MRPL27: variants seen among roughly 807,000 people sequenced by gnomAD.
MRPL27 encodes mitochondrial ribosomal protein L27.
Under a neutral mutation model 14.6 loss-of-function variants are expected in MRPL27, and 4 were observed. That is an observed-to-expected ratio of 0.27 (90% confidence interval 0.14 to 0.63). The LOEUF is 0.63. Among genes scored for constraint, MRPL27 ranks in the 20% least tolerant of loss-of-function variants. The probability of loss-of-function intolerance (pLI) is 0.85; values close to 1 mark genes in which losing one functional copy is unlikely to be tolerated. For missense variants in MRPL27, 196 were observed against 192.8 expected, an observed-to-expected ratio of 1.02 and a Z score of -0.10; for synonymous variants, 82 against 75.5, an observed-to-expected ratio of 1.09 and a Z score of -0.45.
rs894834477 is a variant in MRPL27, at chr17:50,368,545, G to C, written c.241-247C>G. The C allele has an allele frequency of 5.0e-5, 30 of 596,140 alleles. No homozygotes were observed. The South Asian group carries it at 5.5e-4, about 11-fold the overall frequency. 36.9% of individuals were successfully genotyped at this position (596,140 alleles called of 1,614,324 possible). On this transcript the variant is annotated intron_variant, in intron 3 of 3. Transcript: ENST00000225969. The stretch of plus-strand genomic sequence containing the variant: ...GGGCCACTGCTCAGTCCCAGGGACT[G>C]TTACCTGGAGCCATGTCTATGCAGC...
chr17:50,369,134 A>G, intron 3 of MRPL27: 1 of 460,836 alleles, frequency 2.2e-6, no homozygotes, highest in Non-Finnish European at 3.8e-6. Context: ...CGTCTGTCAA[A>G]TGGGGATAAT....
In MRPL27 at chr17:50,372,548, C is replaced by A. The variant is rs143544686; in HGVS notation, c.40+583G>T. ...GCGTGAGCCATCACGCCCCGCCTGT[C>A]ATTCTTTAGGTTTTAAATGTTATCT... On this transcript the variant is annotated intron_variant, in intron 1 of 3. Coordinates refer to ENST00000225969, the MANE Select transcript of MRPL27 (RefSeq NM_016504.3). Among the ~76,000 whole-genome samples, 1,273 of 152,322 alleles carry A rather than the reference C, an allele frequency of 8.4e-3. 12 individuals carry two copies. Among genetic ancestry groups the A allele is most frequent in the Non-Finnish European group, 0.013 (883 of 68,030 alleles).
At chr17:50,372,164 T>G (rs985081867) in intron 1 of MRPL27, among the ~76,000 whole-genome samples, 1 of 151,674 alleles carries the variant, frequency 6.6e-6, no homozygotes. Flanking sequence ...ATAAGAGCAA[T>G]AGTTTGCTTC....
At chr17:50,368,907 T>G (rs1375798656) in intron 3 of MRPL27, 12 of 700,630 alleles carry the variant, frequency 1.7e-5, no homozygotes, top group Non-Finnish European at 5.2e-6. Flanking sequence ...GATTAAACTG[T>G]GTTGTATATA....
chr17:50,373,149 G>A lies in MRPL27; in HGVS notation c.22C>T (p.Leu8=), dbSNP rs757023737. 7 of 1,613,686 alleles carry A rather than the reference G, an allele frequency of 4.3e-6. No homozygotes were observed. Among genetic ancestry groups the A allele is most frequent in the Non-Finnish European group, 5.9e-6 (7 of 1,179,824 alleles). The change falls in exon 1 of 4, where the codon CTG becomes TTG. Residue 8 remains leucine, a synonymous_variant. Coordinates refer to ENST00000225969, the MANE Select transcript of MRPL27 (RefSeq NM_016504.3). ...CCATTACCGGCTGTCCGGGTCCTCA[G>A]CGCCAACACCACCGACGCCATGCTT... MASVVLA[L]RTRTAVTSLL...
chr17:50,368,204 T>C lies in MRPL27; in HGVS notation c.335A>G (p.Glu112Gly), dbSNP rs748190282. ...EVYVPHPRNTEAVDLITRLPK... is the reference protein window; with the variant it reads ...EVYVPHPRNTGAVDLITRLPK... ...CAGCCTGGTGATCAGATCCACAGCC[T>C]CCGTGTTTCTGGGATGAGGCACGTA... Residue 112 changes from glutamate (E) to glycine (G), a missense_variant, in exon 4 of 4, where the codon GAG (glutamate) becomes GGG (glycine). Glu to Gly is a moderately conservative substitution (Grantham distance 98). Coordinates refer to ENST00000225969, the MANE Select transcript of MRPL27 (RefSeq NM_016504.3). 9 of 1,614,192 alleles carry C rather than the reference T, an allele frequency of 5.6e-6. 1 individual carries two copies. In the South Asian group the frequency reaches 9.9e-5, roughly 18 times the overall value.
At position 50,368,239 on chromosome 17, in the gene MRPL27, A is replaced by G. The variant is rs905392218; in HGVS notation, c.300T>C (p.Thr100=). Residue 100 remains threonine, a synonymous_variant, in exon 4 of 4, where the codon ACT becomes ACC. Coordinates refer to ENST00000225969, the MANE Select transcript of MRPL27 (RefSeq NM_016504.3). Reference sequence around the variant, plus strand: ...TGGGATGAGGCACGTAGACCTCCTTAGTGTAGCGGACTATCCCCTCTTCCA... The same window carrying G: ...TGGGATGAGGCACGTAGACCTCCTTGGTGTAGCGGACTATCCCCTCTTCCA... ...YALEEGIVRY[T]KEVYVPHPRN... is the part of the protein sequence containing the mutation. The G allele has an allele frequency of 3.1e-6, 5 of 1,614,204 alleles. 1 individual carries two copies. The highest frequency in any genetic ancestry group is 1.1e-5 in the South Asian group (1 of 91,086).
At position 50,370,022 on chromosome 17, in the gene MRPL27, A is replaced by G; in HGVS notation, c.240+10T>C. Reference sequence around the variant, plus strand: ...AAAGGAAAAAGGGGGGCAGCAACGGAGCAACTCACATGGGCACCTGGGTGC... The same window carrying G: ...AAAGGAAAAAGGGGGGCAGCAACGGGGCAACTCACATGGGCACCTGGGTGC... On this transcript the variant is annotated intron_variant, in intron 3 of 3. Transcript: ENST00000225969. 1 of 1,613,918 alleles carries G rather than the reference A, an allele frequency of 6.2e-7. No individual in the cohort carries two copies. Among genetic ancestry groups the G allele is most frequent in the Non-Finnish European group, 8.5e-7 (1 of 1,179,912 alleles).
intron 1 of MRPL27, 59 bp from the exon 2 acceptor site, chr17:50,370,645 T>C (rs1418754230): frequency 3.7e-6 from 6 of 1,606,198 alleles, no homozygotes; most frequent in Non-Finnish European, 5.1e-6. Flanking sequence ...TCTGCCTCAA[T>C]GGGCCACATG....
Position 50,367,916 on chromosome 17 carries a change from C to T in MRPL27, c.*176G>A, listed in dbSNP as rs1360389259. The T allele has an allele frequency of 5.9e-6, 4 of 678,874 alleles. No individual in the cohort carries two copies. Among genetic ancestry groups the T allele is most frequent in the Non-Finnish European group, 9.9e-6 (4 of 405,772 alleles). The allele number at this position is 678,874 out of a possible 1,614,324, so 42.1% of individuals were successfully genotyped here. A position where few individuals can be genotyped will look rare whatever the true frequency, so the allele number is the denominator to read the frequency against. Reference sequence around the variant, plus strand: ...GACGCTGGCTCACTTTATTTTTGGCCCCAGGTCAGGTCTCCCAAAGGGTTT... The same window carrying T: ...GACGCTGGCTCACTTTATTTTTGGCTCCAGGTCAGGTCTCCCAAAGGGTTT... On this transcript the variant is annotated 3_prime_UTR_variant, in exon 4 of 4. Transcript: ENST00000225969.
At chr17:50,370,718 A>T in intron 1 of MRPL27, 132 bp from the exon 2 acceptor site, 26 of 1,087,256 alleles carry the variant, frequency 2.4e-5, no homozygotes, top group Admixed American at 6.4e-5. Context: ...AGTGCCACTG[A>T]GTGTATTAGT....
chr17:50,369,909 G>T, intron 3 of MRPL27, 123 bp downstream of exon 3: 1 of 1,071,968 alleles, frequency 9.3e-7, no homozygotes, highest in Non-Finnish European at 1.4e-6. Context: ...GTAGGCATGG[G>T]AATCAGCACA....
chr17:50,368,555 G>A (rs1182577694), intron 3 of MRPL27: 8 of 595,310 alleles, frequency 1.3e-5, no homozygotes, highest in Non-Finnish European at 2.1e-5. Context: ...GTTACCTGGA[G>A]CCATGTCTAT....
intron 1 of MRPL27, chr17:50,372,824 C>T: frequency 2.3e-6 from 1 of 428,410 alleles, no homozygotes. Flanking sequence ...ATTTTTTCAA[C>T]CCCAATATGC....
At chr17:50,369,738 C>G (rs1327713658) in intron 3 of MRPL27, 1 of 446,730 alleles carries the variant, frequency 2.2e-6, no homozygotes, top group Admixed American at 4.7e-5. Flanking sequence ...AAAGGAGAAC[C>G]AAGAATACCA....
chr17:50,368,836 A>G (rs1243120925), intron 3 of MRPL27: 3 of 702,144 alleles, frequency 4.3e-6, no homozygotes, highest in Admixed American at 2.0e-5. Context: ...TTTAATTCTC[A>G]CCTAGTGAAA....
chr17:50,370,348 T>A, intron 2 of MRPL27, 107 bp downstream of exon 2: 1 of 1,549,850 alleles, frequency 6.5e-7, no homozygotes, highest in East Asian at 2.3e-5. Context: ...GAGCCAATTA[T>A]GATGGTAAGG....
intron 3 of MRPL27, chr17:50,369,695 C>T: frequency 3.2e-6 from 1 of 316,526 alleles, no homozygotes; most frequent in Non-Finnish European, 5.7e-6. Flanking sequence ...TTTAAATCAC[C>T]AGGTATCTTG....
At chr17:50,371,395 C>T (rs1239075145) in intron 1 of MRPL27, among the ~76,000 whole-genome samples, 1 of 152,190 alleles carries the variant, frequency 6.6e-6, no homozygotes, top group African/African-American at 2.4e-5. Context: ...TCTCAAAGCA[C>T]ATCAAGCAGA....
Sources: allele counts gnomAD v4.1 joint callset (sites outside exome capture counted in the v4.1 genomes callset), GRCh38; gene constraint gnomAD v4.1.1; transcripts MANE v1.5; gene names NCBI Gene and HGNC (gene_info 2026-07-23, HGNC 2026-07-21).